The following IGSF21 variants were observed in gnomAD, a reference collection of about 807,000 sequenced individuals.
The protein encoded by IGSF21 is immunoglobin superfamily member 21.
A neutral mutation model predicts 46.8 loss-of-function variants in IGSF21; 28 were observed. The ratio of observed to expected loss-of-function variants is 0.60; its 90% CI spans 0.44 to 0.82. IGSF21 has a LOEUF of 0.82. IGSF21 is among the 40% of genes least tolerant of loss of function. The pLI is 0.00. For missense variants in IGSF21, 624 were observed against 665.5 expected (o/e 0.94, Z 0.69); for synonymous variants, 284 against 273.6 (o/e 1.04, Z -0.38).
At chr1:18,331,717 T>C (rs1276694323) in intron 3 of IGSF21, among the ~76,000 whole-genome samples, 2 of 152,186 alleles carry the variant, frequency 1.3e-5, no homozygotes, top group Non-Finnish European at 2.9e-5. Flanking sequence ...GGAGGGAGAT[T>C]ACCAGGGATA....
chr1:18,362,745 G>C (rs1033565614), intron 5 of IGSF21, among the ~76,000 whole-genome samples: 14 of 152,180 alleles, frequency 9.2e-5, no homozygotes, highest in Non-Finnish European at 1.9e-4. Context: ...GAAAGGGAGG[G>C]AAGAGAGAGG....
intron 2 of IGSF21, among the ~76,000 whole-genome samples, chr1:18,247,073 C>CAG (rs1189631397): frequency 7.6e-6 from 1 of 131,842 alleles, no homozygotes; most frequent in Non-Finnish European, 1.6e-5. Flanking sequence ...TTTTTTGAGA[C>CAG]AGAGTCTTGC....
intron 2 of IGSF21, among the ~76,000 whole-genome samples, chr1:18,284,676 T>C (rs2085195374): frequency 6.6e-6 from 1 of 152,196 alleles, no homozygotes; most frequent in Non-Finnish European, 1.5e-5. Flanking sequence ...GCACCCACAG[T>C]AAAACTGAGT....
intron 1 of IGSF21, among the ~76,000 whole-genome samples, chr1:18,216,683 G>A (rs931546873): frequency 3.9e-5 from 6 of 152,042 alleles, no homozygotes; most frequent in Non-Finnish European, 7.4e-5. Context: ...CCTCTTTATG[G>A]AGTGGCTTTC....
intron 3 of IGSF21, among the ~76,000 whole-genome samples, chr1:18,305,269 GTGGATGGATGAATGGATAGA>G (rs2085408537): frequency 6.6e-6 from 1 of 150,642 alleles, no homozygotes; most frequent in Non-Finnish European, 1.5e-5. Context: ...TGGTGGATGG[GTGGATGGATGAATGGATAGA>G]TGGATGGATG....
chr1:18,202,890 G>T (rs2087090979), intron 1 of IGSF21, among the ~76,000 whole-genome samples: 1 of 152,212 alleles, frequency 6.6e-6, no homozygotes, highest in Admixed American at 6.5e-5. Flanking sequence ...CACAGACTAT[G>T]CATCCCCTAA....
rs115967665 is a variant in IGSF21 at position 18,347,436 on chromosome 1, C to G, written c.424+12426C>G. Among the ~76,000 whole-genome samples the G allele has an allele frequency of 1.3e-3, 199 of 152,296 alleles. 2 individuals are homozygous for G. The highest frequency in any genetic ancestry group is 4.5e-3 in the African/African-American group (187 of 41,558). Reference sequence around the variant, plus strand: ...CCACTCCATGAAGCTGTCAGGAAAACAGAGGGACATCCACCTCTCTGAGTG... The same window carrying G: ...CCACTCCATGAAGCTGTCAGGAAAAGAGAGGGACATCCACCTCTCTGAGTG... On this transcript the variant is annotated intron_variant, in intron 4 of 9. Coordinates refer to ENST00000251296, the MANE Select transcript of IGSF21 (RefSeq NM_032880.5).
chr1:18,330,505 A>T (rs1418045637), intron 3 of IGSF21, among the ~76,000 whole-genome samples: 2 of 152,056 alleles, frequency 1.3e-5, no homozygotes, highest in African/African-American at 4.8e-5. Flanking sequence ...AGCTGGAGGA[A>T]GGGGCAGGGG....
intron 2 of IGSF21, among the ~76,000 whole-genome samples, chr1:18,289,029 C>T (rs1165139902): frequency 6.6e-6 from 1 of 152,144 alleles, no homozygotes; most frequent in Non-Finnish European, 1.5e-5. Flanking sequence ...AGTGCTTTAT[C>T]TGGGGTGTGT....
chr1:18,377,292 G>C, intron 8 of IGSF21, 101 bp from the exon 9 acceptor site: 1 of 1,057,176 alleles, frequency 9.5e-7, no homozygotes, highest in Non-Finnish European at 1.5e-6. Context: ...CTGAGACAGT[G>C]CGTGTGATAC....
intron 3 of IGSF21, among the ~76,000 whole-genome samples, chr1:18,298,794 A>T (rs1264832753): frequency 1.3e-5 from 2 of 152,208 alleles, no homozygotes; most frequent in African/African-American, 4.8e-5. Flanking sequence ...AAGTGGCTAA[A>T]ATCAGCCCCT....
chr1:18,283,673 A>C (rs2085184726), intron 2 of IGSF21, among the ~76,000 whole-genome samples: 1 of 149,298 alleles, frequency 6.7e-6, no homozygotes, highest in African/African-American at 2.5e-5. Context: ...TTCCCTCAAC[A>C]CCCCTGCCCT....
intron 1 of IGSF21, among the ~76,000 whole-genome samples, chr1:18,149,219 G>A (rs1206002064): frequency 6.6e-6 from 1 of 152,230 alleles, no homozygotes; most frequent in Non-Finnish European, 1.5e-5. Context: ...TGGGCCAGCA[G>A]CCTGCAGAGG....
intron 3 of IGSF21, among the ~76,000 whole-genome samples, chr1:18,305,207 A>G (rs201309926): frequency 2.9e-4 from 30 of 103,220 alleles, no homozygotes; most frequent in Admixed American, 4.1e-4. Flanking sequence ...TGGATGGATG[A>G]ATGGATAATG....
intron 1 of IGSF21, among the ~76,000 whole-genome samples, chr1:18,195,361 G>A (rs1228089358): frequency 6.6e-6 from 1 of 152,178 alleles, no homozygotes; most frequent in East Asian, 1.9e-4. Context: ...GCCATCGATG[G>A]ATTATAACGG....
At chr1:18,185,273 C>T (rs1195442495) in intron 1 of IGSF21, among the ~76,000 whole-genome samples, 2 of 152,200 alleles carry the variant, frequency 1.3e-5, no homozygotes, top group African/African-American at 2.4e-5. Context: ...ATGTCAGATA[C>T]ACGAACAGCT....
chr1:18,296,157 G>A (rs1455247112), intron 3 of IGSF21, among the ~76,000 whole-genome samples: 1 of 152,182 alleles, frequency 6.6e-6, no homozygotes, highest in South Asian at 2.1e-4. Context: ...GAAGGCACCC[G>A]TATTGGCTTC....
At chr1:18,230,285 T>C (rs1273958151) in intron 2 of IGSF21, among the ~76,000 whole-genome samples, 1 of 152,178 alleles carries the variant, frequency 6.6e-6, no homozygotes, top group African/African-American at 2.4e-5. Context: ...CATCCTCCGG[T>C]AGGGAGACCC....
At chr1:18,185,062 A>T (rs1488150118) in intron 1 of IGSF21, among the ~76,000 whole-genome samples, 3 of 152,208 alleles carry the variant, frequency 2.0e-5, no homozygotes, top group Non-Finnish European at 2.9e-5. Flanking sequence ...GGTTGTTGTA[A>T]GTCATAATTA....
Sources: gnomAD v4.1 joint callset for allele counts (sites outside exome capture counted in the v4.1 genomes callset) on GRCh38, gnomAD v4.1.1 for gene constraint, MANE v1.5 for transcripts, NCBI Gene and HGNC (gene_info 2026-07-23, HGNC 2026-07-21) for gene names.